The following KLHL14 variants were observed in gnomAD, a reference collection of about 807,000 sequenced individuals.
KLHL14 encodes kelch like family member 14, also known as kelch-like protein 14.
In KLHL14, 22 loss-of-function variants were observed where a neutral mutation model predicts 64.3. The ratio of observed to expected loss-of-function variants is 0.34; its 90% CI spans 0.24 to 0.49. KLHL14 has a LOEUF of 0.49. Ranked by LOEUF, KLHL14 falls within the 20% of genes least tolerant of loss-of-function variation. The pLI is 0.99. For synonymous variants in KLHL14, 322 were observed against 333.4 expected (o/e 0.97, Z 0.37); for missense variants, 661 against 789.0 (o/e 0.84, Z 1.94).
intron 3 of KLHL14, among the ~76,000 whole-genome samples, chr18:32,713,821 T>A (rs2050031969): frequency 6.6e-6 from 1 of 152,158 alleles, no homozygotes; most frequent in East Asian, 1.9e-4. Context: ...TGTAAAACAC[T>A]TAATTTTGGT....
intron 3 of KLHL14, among the ~76,000 whole-genome samples, chr18:32,708,029 G>A (rs2049999021): frequency 6.6e-6 from 1 of 152,132 alleles, no homozygotes; most frequent in Non-Finnish European, 1.5e-5. Context: ...ACAACCTACA[G>A]GGAGAGATAA....
At chr18:32,735,457 C>G (rs186068221) in intron 3 of KLHL14, among the ~76,000 whole-genome samples, 1 of 152,292 alleles carries the variant, frequency 6.6e-6, no homozygotes, top group East Asian at 1.9e-4. Context: ...AGCCACATCT[C>G]CTATCTGTTT....
At chr18:32,772,499 C>T (rs940636034) in intron 1 of KLHL14, among the ~76,000 whole-genome samples, 168 bp downstream of exon 1, 10 of 151,814 alleles carry the variant, frequency 6.6e-5, no homozygotes, top group Non-Finnish European at 1.2e-4. Flanking sequence ...GCCTTTCCTC[C>T]TCATCTGCTT....
Position 32,770,228 on chromosome 18 carries a change from TG to T in KLHL14, c.363del (p.Ile122SerfsTer26). ...PDDKLLTSPR[A>X]INNLVLQGCS... ...CAGCCCTGCAGCACCAGGTTGTTGA[TG>T]GCCCGGGGGCTGGTCAGCAGCTTGT... On this transcript the variant is annotated frameshift_variant, in exon 2 of 9. Transcript: ENST00000359358. LOFTEE classifies it high-confidence loss of function. This position sits in a 1 kb window ranked among gnomAD's most constrained non-coding sequence, Gnocchi z 6.7. 6.2e-7 allele frequency: 1 copy of T among 1,607,082 alleles called. No homozygotes were observed. Among genetic ancestry groups the T allele is most frequent in the Non-Finnish European group, 8.5e-7 (1 of 1,175,132 alleles).
chr18:32,748,038 C>T (rs1203349686), intron 2 of KLHL14, among the ~76,000 whole-genome samples: 1 of 152,126 alleles, frequency 6.6e-6, no homozygotes, highest in Non-Finnish European at 1.5e-5. Flanking sequence ...GAATAAATTC[C>T]TTGTTCATTG....
intron 2 of KLHL14, among the ~76,000 whole-genome samples, chr18:32,761,648 A>G (rs1178495223): frequency 6.6e-6 from 1 of 152,100 alleles, no homozygotes; most frequent in East Asian, 1.9e-4. Context: ...TTTCTCTTGT[A>G]GGTTATGTAT....
chr18:32,760,704 G>A (rs1206339467), intron 2 of KLHL14, among the ~76,000 whole-genome samples: 1 of 152,136 alleles, frequency 6.6e-6, no homozygotes. Context: ...CATGTGAAAG[G>A]CTTTGGGAGC....
At chr18:32,726,232 G>A (rs2050107509) in intron 3 of KLHL14, among the ~76,000 whole-genome samples, 1 of 152,206 alleles carries the variant, frequency 6.6e-6, no homozygotes, top group Non-Finnish European at 1.5e-5. Context: ...GAGTAGTTGT[G>A]ACAGAGACCT....
chr18:32,753,037 G>T (rs2144541588), intron 2 of KLHL14, among the ~76,000 whole-genome samples: 1 of 151,222 alleles, frequency 6.6e-6, no homozygotes, highest in African/African-American at 2.4e-5. Flanking sequence ...AAGATGCAAC[G>T]GGTATTGAGA....
At chr18:32,702,511 A>G (rs937756092) in intron 3 of KLHL14, among the ~76,000 whole-genome samples, 32 of 151,908 alleles carry the variant, frequency 2.1e-4, no homozygotes, top group African/African-American at 7.0e-4. Context: ...ACAGTAAAAC[A>G]TTTTACATAT....
chr18:32,754,880 T>C (rs1209036447), intron 2 of KLHL14, among the ~76,000 whole-genome samples: 4 of 152,218 alleles, frequency 2.6e-5, no homozygotes, highest in African/African-American at 9.6e-5. Context: ...TCAACGTTTA[T>C]TTTTAGGGTA....
intron 2 of KLHL14, among the ~76,000 whole-genome samples, chr18:32,765,217 A>G (rs1243665901): frequency 1.3e-5 from 2 of 152,242 alleles, no homozygotes; most frequent in African/African-American, 2.4e-5. Flanking sequence ...CCTGTTACGC[A>G]GTAGCAGTTG....
rs1259742172 is a variant in KLHL14 at position 32,680,030 on chromosome 18, A to G, written c.1588+139T>C. On this transcript the variant is annotated intron_variant, in intron 7 of 8. Coordinates refer to ENST00000359358, the MANE Select transcript of KLHL14 (RefSeq NM_020805.3). This position sits in a 1 kb window ranked among gnomAD's most constrained non-coding sequence, Gnocchi z 4.8. Reference sequence around the variant, plus strand: ...AAATGCTTGCTCAAGGGTACTGCCAATTTACACAGAGTAGATTTTATTAGG... The same window carrying G: ...AAATGCTTGCTCAAGGGTACTGCCAGTTTACACAGAGTAGATTTTATTAGG... 3 of 861,306 alleles carry G rather than the reference A, an allele frequency of 3.5e-6. No individual in the cohort carries two copies. Among genetic ancestry groups the G allele is most frequent in the Non-Finnish European group, 3.5e-6 (2 of 573,942 alleles). The allele number at this position is 861,306 out of a possible 1,614,324, so 53.4% of individuals were successfully genotyped here.
At chr18:32,766,695 A>T (rs1172463743) in intron 2 of KLHL14, among the ~76,000 whole-genome samples, 1 of 152,000 alleles carries the variant, frequency 6.6e-6, no homozygotes, top group Non-Finnish European at 1.5e-5. Flanking sequence ...TATTTTACTT[A>T]TTGTCCTTAT....
At chr18:32,726,132 A>G (rs1459607561) in intron 3 of KLHL14, among the ~76,000 whole-genome samples, 3 of 152,220 alleles carry the variant, frequency 2.0e-5, no homozygotes, top group Admixed American at 6.5e-5. Flanking sequence ...CCCTCTGCCT[A>G]TTTTTATAAA....
chr18:32,762,767 TTA>T (rs1037443945), intron 2 of KLHL14, among the ~76,000 whole-genome samples: 1 of 152,166 alleles, frequency 6.6e-6, no homozygotes, highest in African/African-American at 2.4e-5. Flanking sequence ...GTATTGTGAA[TTA>T]TCTTGGAAAT....
rs1297278745 is a variant in KLHL14, at chr18:32,741,798, TAAAC to T, written c.1069+126_1069+129del. 8 of 1,141,392 alleles carry T rather than the reference TAAAC, an allele frequency of 7.0e-6. No individual in the cohort carries two copies. The African/African-American group carries it at 9.5e-5, about 14-fold the overall frequency. 70.7% of individuals were successfully genotyped at this position (1,141,392 alleles called of 1,614,324 possible). A position where few individuals can be genotyped will look rare whatever the true frequency, so the allele number is the denominator to read the frequency against. On this transcript the variant is annotated intron_variant, in intron 3 of 8. Coordinates refer to ENST00000359358, the MANE Select transcript of KLHL14 (RefSeq NM_020805.3). ...TTTACTCTAAATCCCCGGTGATACA[TAAAC>T]AAACCTCCAAAGGGGAACAAATCAA...
chr18:32,772,399 C>T (rs960889545), intron 1 of KLHL14: 1 of 180,616 alleles, frequency 5.5e-6, no homozygotes, highest in African/African-American at 2.4e-5. Flanking sequence ...TTAAGAGGAC[C>T]CGGTCATACC....
rs924111259 is a variant in KLHL14, at chr18:32,700,600, ATTCT to A, written c.1070-5052_1070-5049del. Among the ~76,000 whole-genome samples, 15 of 152,270 alleles carry A rather than the reference ATTCT, an allele frequency of 9.9e-5. No homozygotes were observed. The East Asian group carries it at 2.7e-3, about 27-fold the overall frequency. The stretch of plus-strand genomic sequence containing the variant: ...CTTTTTAGCACTTAATAATATATTC[ATTCT>A]TTCTTTCTCCATTAATCAAGTATTT... On this transcript the variant is annotated intron_variant, in intron 3 of 8. Transcript: ENST00000359358.
Sources: allele counts gnomAD v4.1 joint callset (sites outside exome capture counted in the v4.1 genomes callset), GRCh38; gene constraint gnomAD v4.1.1; non-coding constraint Gnocchi (gnomAD v3.1); transcripts MANE v1.5; gene names NCBI Gene and HGNC (gene_info 2026-07-23, HGNC 2026-07-21).